PATJ: variants seen among roughly 807,000 people sequenced by gnomAD.
PATJ encodes inaD-like protein.
Under a neutral mutation model 224.9 loss-of-function variants are expected in PATJ, and 190 were observed. That is an observed-to-expected ratio of 0.84 (90% confidence interval 0.75 to 0.95). PATJ has a LOEUF of 0.95. Among genes scored for constraint, PATJ ranks in the 40% least tolerant of loss-of-function variants. PATJ has a pLI of 0.00. For missense variants in PATJ, 2,121 were observed against 2,270.3 expected (o/e 0.93, Z 1.34); for synonymous variants, 769 against 820.3 (o/e 0.94, Z 1.07).
intron 7 of PATJ, among the ~76,000 whole-genome samples, chr1:61,783,067 A>G (rs1446336821): frequency 6.6e-6 from 1 of 152,222 alleles, no homozygotes; most frequent in Non-Finnish European, 1.5e-5. Context: ...TTGAGGGTGG[A>G]TGTGAACTTT....
intron 31 of PATJ, among the ~76,000 whole-genome samples, chr1:62,053,937 G>T (rs149127876): frequency 6.6e-6 from 1 of 152,062 alleles, no homozygotes; most frequent in Non-Finnish European, 1.5e-5. Flanking sequence ...TGAAGATACC[G>T]CAGTGAACAA....
intron 22 of PATJ, among the ~76,000 whole-genome samples, chr1:61,896,970 GA>G (rs1670457862): frequency 6.6e-6 from 1 of 152,232 alleles, no homozygotes; most frequent in Admixed American, 6.5e-5. Context: ...ATAACAGTGT[GA>G]AAATGGACTA....
At chr1:62,082,809 A>T (rs1170504484) in intron 32 of PATJ, among the ~76,000 whole-genome samples, 1 of 152,112 alleles carries the variant, frequency 6.6e-6, no homozygotes, top group African/African-American at 2.4e-5. Context: ...AGCTTTTGAA[A>T]GTGAAAAGCC....
intron 1 of PATJ, among the ~76,000 whole-genome samples, chr1:61,744,348 AT>A (rs1644917595): frequency 6.6e-6 from 1 of 150,482 alleles, no homozygotes; most frequent in Non-Finnish European, 1.5e-5. Flanking sequence ...GAATTACTGC[AT>A]TCCTAAAGAA....
intron 24 of PATJ, among the ~76,000 whole-genome samples, chr1:61,903,741 TTTTA>T (rs1277365695): frequency 4.0e-5 from 6 of 151,256 alleles, no homozygotes; most frequent in African/African-American, 1.5e-4. Context: ...GGTAACCTTG[TTTTA>T]TTTTAGTTAT....
At chr1:61,845,741 G>C (rs1323847242) in intron 17 of PATJ, among the ~76,000 whole-genome samples, 1 of 152,170 alleles carries the variant, frequency 6.6e-6, no homozygotes, top group Non-Finnish European at 1.5e-5. Flanking sequence ...CTTTTCTAAA[G>C]AATGAAGGGC....
chr1:61,991,641 A>C (rs1645070501), intron 28 of PATJ: 1 of 985,318 alleles, frequency 1.0e-6, no homozygotes, highest in Admixed American at 6.1e-5. Context: ...TCTGCAAAGA[A>C]GTCACTTCCA....
chr1:62,112,699 TC>T (rs1244067776), intron 34 of PATJ, among the ~76,000 whole-genome samples: 1 of 152,202 alleles, frequency 6.6e-6, no homozygotes, highest in Admixed American at 6.5e-5. Flanking sequence ...CTCATTTGAC[TC>T]TTTTCCTAGC....
At chr1:62,085,823 T>TAAAAAAA (rs781768840) in intron 33 of PATJ, among the ~76,000 whole-genome samples, 1 of 118,658 alleles carries the variant, frequency 8.4e-6, no homozygotes, top group African/African-American at 3.1e-5. Flanking sequence ...TGTCTCTGTT[T>TAAAAAAA]AAAAAAAAAA....
At chr1:61,909,199 C>T (rs1169957184) in intron 25 of PATJ, among the ~76,000 whole-genome samples, 1 of 152,120 alleles carries the variant, frequency 6.6e-6, no homozygotes, top group Non-Finnish European at 1.5e-5. Flanking sequence ...AGGCTGGTCT[C>T]AAACTCCTGA....
intron 28 of PATJ, among the ~76,000 whole-genome samples, chr1:61,995,466 C>A (rs1298039146): frequency 2.0e-5 from 3 of 152,122 alleles, no homozygotes; most frequent in Non-Finnish European, 4.4e-5. Context: ...GTTGAGCATA[C>A]ATTGTGGCTT....
chr1:61,795,949 A>G (rs181625811), intron 10 of PATJ, among the ~76,000 whole-genome samples: 22 of 152,330 alleles, frequency 1.4e-4, no homozygotes, highest in Admixed American at 9.2e-4. Flanking sequence ...TCTGTTAACA[A>G]TAATTATAAG....
rs895659989 is a variant in PATJ, at chr1:62,161,518, T to C, written c.*464T>C. ...CACACTGGGTTTATTTTTGTTTTTT[T>C]AGTAGAGATGGAGCTTCCCCATGTG... On this transcript the variant is annotated 3_prime_UTR_variant, in exon 44 of 44. Coordinates refer to ENST00000642238, the MANE Select transcript of PATJ (RefSeq NM_001350145.3). 6.6e-6 allele frequency: 1 copy of C among 152,424 alleles called. No homozygotes were observed. The highest frequency in any genetic ancestry group is 2.4e-5 in the African/African-American group (1 of 41,384). The allele number at this position is 152,424 out of a possible 1,614,324, so 9.4% of individuals were successfully genotyped here.
At chr1:62,064,670 C>T (rs116694120) in intron 31 of PATJ, among the ~76,000 whole-genome samples, 1,693 of 152,268 alleles carry the variant, frequency 0.011, 13 homozygotes, top group Middle Eastern at 0.044. Context: ...TATGAAAAAA[C>T]AGCTTAAAAT....
chr1:62,108,330 A>C, intron 33 of PATJ, 107 bp from the exon 34 acceptor site: 1 of 545,732 alleles, frequency 1.8e-6, no homozygotes, highest in Non-Finnish European at 3.2e-6. Flanking sequence ...GTCAGATAAA[A>C]TATAACATTA....
chr1:61,762,936 A>G, intron 2 of PATJ, 22 bp downstream of exon 2: 1 of 1,516,918 alleles, frequency 6.6e-7, no homozygotes, highest in Non-Finnish European at 9.0e-7. Context: ...ATATTGTTCT[A>G]TAATTAAATT....
chr1:62,118,160 A>C (rs1664656613), intron 37 of PATJ, among the ~76,000 whole-genome samples: 1 of 152,002 alleles, frequency 6.6e-6, no homozygotes, highest in Non-Finnish European at 1.5e-5. Flanking sequence ...AAAGCAGTCA[A>C]ACCCAATAAA....
chr1:61,751,920 C>T (rs537456859), intron 1 of PATJ, among the ~76,000 whole-genome samples: 5 of 152,122 alleles, frequency 3.3e-5, no homozygotes, highest in Admixed American at 6.5e-5. Flanking sequence ...GGGTGGATCA[C>T]CTGAAGTTGG....
intron 31 of PATJ, among the ~76,000 whole-genome samples, chr1:62,075,022 A>G (rs1434817767): frequency 1.3e-5 from 2 of 152,168 alleles, no homozygotes; most frequent in African/African-American, 4.8e-5. Context: ...CACATATCAA[A>G]CATCTCTAAA....
Sources: allele counts gnomAD v4.1 joint callset (sites outside exome capture counted in the v4.1 genomes callset), GRCh38; gene constraint gnomAD v4.1.1; transcripts MANE v1.5; gene names NCBI Gene and HGNC (gene_info 2026-07-23, HGNC 2026-07-21).